Variants in VPS13B observed in about 807,000 individuals in gnomAD.
The protein encoded by VPS13B is vacuolar protein sorting 13 homolog B.
In VPS13B, 285 loss-of-function variants were observed where a neutral mutation model predicts 426.4. The ratio of observed to expected loss-of-function variants is 0.67; its 90% confidence interval spans 0.61 to 0.74. The LOEUF is 0.74. Among genes scored for constraint, VPS13B ranks in the 30% least tolerant of loss-of-function variants. The pLI is 0.00. For synonymous variants in VPS13B, 1,676 were observed against 1,676.4 expected (o/e 1.00, Z 0.01); for missense variants, 4,537 against 4,782.6 (o/e 0.95, Z 1.51).
chr8:99,060,349 A>G (rs993416686), intron 3 of VPS13B, among the ~76,000 whole-genome samples: 112 of 152,200 alleles, frequency 7.4e-4, no homozygotes, highest in African/African-American at 2.6e-3. Flanking sequence ...TGGTTCACCC[A>G]TGTAATTCCA....
In VPS13B at chr8:99,877,343, AT is replaced by A. The variant is rs1817740690; in HGVS notation, c.*1679del. ...ACTATTTCTAAAAATGTAAATATGT[AT>A]TAATCCTTGTATCTTTTATGGTAAT... On this transcript the variant is annotated 3_prime_UTR_variant, in exon 62 of 62. Transcript: ENST00000357162. 6.5e-6 allele frequency: 1 copy of A among 152,672 alleles called. No homozygotes were observed. Among genetic ancestry groups the A allele is most frequent in the African/African-American group, 2.4e-5 (1 of 41,460 alleles). 9.5% of individuals were successfully genotyped at this position (152,672 alleles called of 1,614,324 possible). A position where few individuals can be genotyped will look rare whatever the true frequency, so the allele number is the denominator to read the frequency against.
At chr8:99,480,833 A>T (rs1000727623) in intron 24 of VPS13B, among the ~76,000 whole-genome samples, 1 of 152,178 alleles carries the variant, frequency 6.6e-6, no homozygotes, top group African/African-American at 2.4e-5. Context: ...ACTTTTTTAA[A>T]ATGGCAAGCA....
intron 3 of VPS13B, among the ~76,000 whole-genome samples, chr8:99,039,130 T>G (rs1440360801): frequency 6.6e-6 from 1 of 152,206 alleles, no homozygotes; most frequent in Non-Finnish European, 1.5e-5. Flanking sequence ...ATTACTTACA[T>G]CTACAATGAA....
At chr8:99,523,851 A>G (rs968107606) in intron 30 of VPS13B, among the ~76,000 whole-genome samples, 1 of 152,204 alleles carries the variant, frequency 6.6e-6, no homozygotes, top group African/African-American at 2.4e-5. Flanking sequence ...ATTCATAAGC[A>G]TCAAAACCAT....
chr8:99,451,850 C>A (rs1471016184), intron 23 of VPS13B, among the ~76,000 whole-genome samples: 1 of 152,130 alleles, frequency 6.6e-6, no homozygotes, highest in Admixed American at 6.5e-5. Flanking sequence ...TACTGGTGTA[C>A]CCTGTATCAA....
intron 34 of VPS13B, among the ~76,000 whole-genome samples, chr8:99,652,802 T>C (rs1829874994): frequency 6.6e-6 from 1 of 152,146 alleles, no homozygotes; most frequent in South Asian, 2.1e-4. Flanking sequence ...ACTCTGAACA[T>C]TTATCTGGAA....
intron 16 of VPS13B, among the ~76,000 whole-genome samples, chr8:99,175,520 G>A (rs761912400): frequency 2.0e-5 from 3 of 152,082 alleles, no homozygotes; most frequent in African/African-American, 7.2e-5. Context: ...GGTGGCTCAC[G>A]CCTCTAATTC....
chr8:99,557,393 T>C (rs1018758318), intron 31 of VPS13B, among the ~76,000 whole-genome samples: 3 of 151,976 alleles, frequency 2.0e-5, no homozygotes, highest in Admixed American at 2.0e-4. Context: ...GAATATATGA[T>C]ACTTGGTTTT....
chr8:99,420,262 G>A (rs1816295741), intron 21 of VPS13B, among the ~76,000 whole-genome samples: 2 of 152,058 alleles, frequency 1.3e-5, no homozygotes, highest in African/African-American at 4.8e-5. Context: ...CAGAATATAA[G>A]CCATTTGATA....
At chr8:99,775,249 T>C (rs1400685311) in intron 40 of VPS13B, among the ~76,000 whole-genome samples, 1 of 152,180 alleles carries the variant, frequency 6.6e-6, no homozygotes, top group East Asian at 1.9e-4. Context: ...AAATCAAGGA[T>C]TTGTTTCTTT....
intron 31 of VPS13B, among the ~76,000 whole-genome samples, chr8:99,560,154 A>T (rs1049531828): frequency 2.6e-5 from 4 of 151,966 alleles, no homozygotes; most frequent in Non-Finnish European, 5.9e-5. Flanking sequence ...TAGGTATTTT[A>T]TTCTCTTTGA....
intron 28 of VPS13B, among the ~76,000 whole-genome samples, chr8:99,509,763 A>C (rs966553377): frequency 6.6e-6 from 1 of 152,168 alleles, no homozygotes; most frequent in Non-Finnish European, 1.5e-5. Context: ...AGGGGCAGGG[A>C]ATGTGGAATA....
chr8:99,634,047 A>T (rs1263937546), intron 33 of VPS13B, among the ~76,000 whole-genome samples: 2 of 151,912 alleles, frequency 1.3e-5, no homozygotes, highest in African/African-American at 4.8e-5. Context: ...CCTGGAACTA[A>T]TTATTTTTTT....
intron 31 of VPS13B, among the ~76,000 whole-genome samples, chr8:99,571,346 T>C (rs1268426471): frequency 6.6e-6 from 1 of 152,182 alleles, no homozygotes; most frequent in Admixed American, 6.5e-5. Flanking sequence ...CCTGAAAATA[T>C]TTGAATCTGT....
At chr8:99,672,448 G>T (rs974360030) in intron 35 of VPS13B, among the ~76,000 whole-genome samples, 1 of 151,946 alleles carries the variant, frequency 6.6e-6, no homozygotes, top group African/African-American at 2.4e-5. Flanking sequence ...AAATGCTATA[G>T]GTTTTTGTAT....
At chr8:99,790,442 T>A (rs969783016) in intron 43 of VPS13B, among the ~76,000 whole-genome samples, 1 of 152,188 alleles carries the variant, frequency 6.6e-6, no homozygotes, top group African/African-American at 2.4e-5. Context: ...ATATATACAT[T>A]CTTCTAAGGA....
At chr8:99,696,885 G>C in intron 35 of VPS13B, 2 of 789,642 alleles carry the variant, frequency 2.5e-6, no homozygotes, top group Admixed American at 3.4e-5. Context: ...AACAACTTCT[G>C]CGGTTCCAGC....
At chr8:99,564,748 A>G (rs567223472) in intron 31 of VPS13B, among the ~76,000 whole-genome samples, 31 of 152,244 alleles carry the variant, frequency 2.0e-4, no homozygotes, top group Non-Finnish European at 4.6e-4. Flanking sequence ...TTATAAAACA[A>G]AAACTACAGT....
At chr8:99,530,203 T>C (rs1304115222) in intron 30 of VPS13B, among the ~76,000 whole-genome samples, 1 of 152,214 alleles carries the variant, frequency 6.6e-6, no homozygotes, top group Admixed American at 6.5e-5. Flanking sequence ...TACTTAAATC[T>C]TGCTCTCTTT....
Sources: gnomAD v4.1 joint callset for allele counts (sites outside exome capture counted in the v4.1 genomes callset) on GRCh38, gnomAD v4.1.1 for gene constraint, MANE v1.5 for transcripts, NCBI Gene and HGNC (gene_info 2026-07-23, HGNC 2026-07-21) for gene names.